The following SNX24 variants were observed in gnomAD, a reference collection of about 807,000 sequenced individuals.
SNX24 encodes sorting nexin-24.
A neutral mutation model predicts 28.7 loss-of-function variants in SNX24; 22 were observed. The observed-to-expected ratio is 0.77, with a 90% CI of 0.55 to 1.10. The LOEUF (loss-of-function observed/expected upper bound fraction) is 1.10, where lower values mean the gene tolerates loss of function less well. Ranked by LOEUF, SNX24 falls within the 50% of genes least tolerant of loss-of-function variation. The pLI is 0.00. For missense variants in SNX24, 221 were observed against 201.1 expected, an observed-to-expected ratio of 1.10 and a Z score of -0.60; for synonymous variants, 69 against 71.5, an observed-to-expected ratio of 0.96 and a Z score of 0.18.
intron 3 of SNX24, among the ~76,000 whole-genome samples, chr5:122,975,377 T>C (rs1003795597): frequency 2.6e-5 from 4 of 152,188 alleles, no homozygotes; most frequent in African/African-American, 9.6e-5. Flanking sequence ...GTTTTTTTTT[T>C]GTTCTTTGAT....
chr5:123,015,764 GAAA>G (rs971645232), intron 5 of SNX24, among the ~76,000 whole-genome samples: 11 of 150,426 alleles, frequency 7.3e-5, no homozygotes, highest in Non-Finnish European at 7.4e-5. Flanking sequence ...AATTAAAAAA[GAAA>G]AAAAAACACC....
At chr5:122,988,030 A>C (rs1362618167) in intron 3 of SNX24, among the ~76,000 whole-genome samples, 3 of 152,214 alleles carry the variant, frequency 2.0e-5, no homozygotes, top group Non-Finnish European at 4.4e-5. Context: ...AAAAAGGAGC[A>C]TGCCTGTCAG....
At chr5:122,852,203 T>C (rs1165153407) in intron 1 of SNX24, among the ~76,000 whole-genome samples, 3 of 151,924 alleles carry the variant, frequency 2.0e-5, no homozygotes, top group Non-Finnish European at 2.9e-5. Context: ...CCGGGATACA[T>C]GTGCAGAAAG....
intron 3 of SNX24, among the ~76,000 whole-genome samples, chr5:122,984,189 G>C (rs992097696): frequency 6.6e-6 from 1 of 151,926 alleles, no homozygotes; most frequent in African/African-American, 2.4e-5. Context: ...GCTGTAACTT[G>C]AATAGCAGAT....
intron 3 of SNX24, among the ~76,000 whole-genome samples, chr5:122,983,425 A>C (rs914555948): frequency 6.6e-6 from 1 of 152,192 alleles, no homozygotes; most frequent in Admixed American, 6.5e-5. Flanking sequence ...CCTATACCAT[A>C]TACCATCTGC....
intron 1 of SNX24, among the ~76,000 whole-genome samples, chr5:122,931,448 A>G (rs1483452808): frequency 1.3e-5 from 2 of 152,184 alleles, no homozygotes; most frequent in Non-Finnish European, 2.9e-5. Context: ...ATAGGCACAC[A>G]AGAAATGGCG....
At chr5:122,932,040 G>A (rs995268722) in intron 1 of SNX24, among the ~76,000 whole-genome samples, 8 of 151,968 alleles carry the variant, frequency 5.3e-5, no homozygotes, top group Admixed American at 2.0e-4. Context: ...TTTCAGAGAT[G>A]TTACCACAAA....
chr5:122,956,235 C>T lies in SNX24; in HGVS notation c.249+10076C>T, dbSNP rs551471629. On this transcript the variant is annotated intron_variant, in intron 3 of 6. Coordinates refer to ENST00000261369, the MANE Select transcript of SNX24 (RefSeq NM_014035.4). ...ACGTTCTATTATATGTGGTGCCAGC[C>T]GCTTCCTGGGAGCAGTGAACAGTGT... Among the ~76,000 whole-genome samples, 6 of 152,080 alleles carry T rather than the reference C, an allele frequency of 3.9e-5. No homozygotes were observed. In the South Asian group the frequency reaches 6.2e-4, roughly 16 times the overall value.
intron 1 of SNX24, among the ~76,000 whole-genome samples, chr5:122,895,939 A>G (rs1308996158): frequency 6.6e-6 from 1 of 152,232 alleles, no homozygotes; most frequent in East Asian, 1.9e-4. Flanking sequence ...ACTTGAGGCC[A>G]GGAGTTCAAG....
intron 1 of SNX24, among the ~76,000 whole-genome samples, chr5:122,908,491 G>GTT (rs1043486032): frequency 1.1e-4 from 16 of 152,170 alleles, no homozygotes; most frequent in African/African-American, 3.9e-4. Flanking sequence ...ATACAGTGCA[G>GTT]ATGTTTTAAA....
At chr5:122,920,095 A>T (rs769045430) in intron 1 of SNX24, among the ~76,000 whole-genome samples, 1 of 152,238 alleles carries the variant, frequency 6.6e-6, no homozygotes, top group Non-Finnish European at 1.5e-5. Context: ...TGTCATGTAC[A>T]GGCTTGATTG....
At chr5:122,857,680 G>A (rs535344549) in intron 1 of SNX24, among the ~76,000 whole-genome samples, 5 of 152,184 alleles carry the variant, frequency 3.3e-5, no homozygotes, top group African/African-American at 7.2e-5. Flanking sequence ...CTTTTCCTGC[G>A]TTAGTTTGCT....
intron 3 of SNX24, among the ~76,000 whole-genome samples, chr5:122,977,185 TATTC>T (rs1434625386): frequency 6.6e-6 from 1 of 152,196 alleles, no homozygotes; most frequent in African/African-American, 2.4e-5. Flanking sequence ...TTCATAGAGT[TATTC>T]ATTTATTAGG....
At chr5:122,969,055 G>A (rs150154395) in intron 3 of SNX24, among the ~76,000 whole-genome samples, 4 of 152,100 alleles carry the variant, frequency 2.6e-5, no homozygotes, top group Admixed American at 2.6e-4. Context: ...GTTCCATCCT[G>A]AATGGAACCT....
At chr5:122,985,537 G>A (rs1033146584) in intron 3 of SNX24, among the ~76,000 whole-genome samples, 4 of 152,154 alleles carry the variant, frequency 2.6e-5, no homozygotes, top group Non-Finnish European at 5.9e-5. Context: ...AGGATTAAGC[G>A]ACCCATTATA....
chr5:123,013,263 T>C (rs1762624540), downstream of SNX24, among the ~76,000 whole-genome samples: 1 of 152,260 alleles, frequency 6.6e-6, no homozygotes, highest in Non-Finnish European at 1.5e-5. Flanking sequence ...AATACAGATG[T>C]AATCCTTGCC....
chr5:122,856,376 A>G (rs1346248904), intron 1 of SNX24, among the ~76,000 whole-genome samples: 2 of 152,094 alleles, frequency 1.3e-5, no homozygotes, highest in Admixed American at 1.3e-4. Flanking sequence ...TCTACTGTTG[A>G]TGGGCATTTA....
chr5:122,980,662 G>A (rs913887971), intron 3 of SNX24, among the ~76,000 whole-genome samples: 3 of 150,694 alleles, frequency 2.0e-5, no homozygotes, highest in Non-Finnish European at 4.4e-5. Flanking sequence ...TTGAAATGCT[G>A]GTGTGCTCAG....
chr5:122,885,540 C>T (rs1467861871), intron 1 of SNX24, among the ~76,000 whole-genome samples: 1 of 126,672 alleles, frequency 7.9e-6, no homozygotes, highest in Non-Finnish European at 1.7e-5. Flanking sequence ...ACTGAAAGCA[C>T]CCATTCTTAT....
Sources: gnomAD v4.1 joint callset for allele counts (sites outside exome capture counted in the v4.1 genomes callset) on GRCh38, gnomAD v4.1.1 for gene constraint, MANE v1.5 for transcripts, NCBI Gene and HGNC (gene_info 2026-07-23, HGNC 2026-07-21) for gene names.